RPL36: variants seen among roughly 807,000 people sequenced by gnomAD.
RPL36 encodes ribosomal protein L36, also known as large ribosomal subunit protein eL36.
For synonymous variants in RPL36, 74 were observed against 56.0 expected (o/e 1.32, Z -1.44); for missense variants, 131 against 144.9 (o/e 0.90, Z 0.49).
At position 5,691,546 on chromosome 19, in the gene RPL36, C is replaced by T; in HGVS notation, c.243C>T (p.Ile81=). 6.2e-7 allele frequency: 1 copy of T among 1,611,970 alleles called. No homozygotes were observed. The highest frequency in any genetic ancestry group is 8.5e-7 in the Non-Finnish European group (1 of 1,179,906). The change falls in exon 4 of 4, where the codon ATC becomes ATT. Residue 81 remains isoleucine, a synonymous_variant. Coordinates refer to ENST00000347512, the MANE Select transcript of RPL36 (RefSeq NM_033643.3). Reference sequence around the variant, plus strand: ...GTCCCTGGCAGGTGGGGACGCACATCCGCGCCAAGAGGAAGCGGGAGGAGC... The same window carrying T: ...GTCCCTGGCAGGTGGGGACGCACATTCGCGCCAAGAGGAAGCGGGAGGAGC... The part of the protein sequence containing the change: ...KFIKKRVGTH[I]RAKRKREELS...
rs1375993323 is a variant in RPL36, at chr19:5,690,304, A to G, written c.-26A>G. The G allele has an allele frequency of 2.9e-5, 18 of 614,808 alleles. No homozygotes were observed. Among genetic ancestry groups the G allele is most frequent in the Non-Finnish European group, 4.7e-5 (16 of 339,888 alleles). The allele number at this position is 614,808 out of a possible 1,614,324, so 38.1% of individuals were successfully genotyped here. A position where few individuals can be genotyped will look rare whatever the true frequency, so the allele number is the denominator to read the frequency against. On this transcript the variant is annotated 5_prime_UTR_variant, in exon 1 of 4. Transcript: ENST00000347512. ...TCCGCGCGGCGCCAGCCCTTCCGCCACGGCCGTCTCTGGAGAGCAGCAGGT... is the reference window on the plus strand; with the variant it reads ...TCCGCGCGGCGCCAGCCCTTCCGCCGCGGCCGTCTCTGGAGAGCAGCAGGT...
intron 3 of RPL36, 28 bp from the exon 4 acceptor site, chr19:5,691,504 G>C (rs201748329): frequency 2.1e-5 from 34 of 1,607,592 alleles, no homozygotes; most frequent in Non-Finnish European, 2.6e-5. Context: ...AGTCAGGGCC[G>C]GGCTGACGGC....
chr19:5,690,301 G>A lies in RPL36; in HGVS notation c.-29G>A. 1.6e-6 allele frequency: 1 copy of A among 613,294 alleles called. No individual in the cohort carries two copies. The allele number at this position is 613,294 out of a possible 1,614,324, so 38.0% of individuals were successfully genotyped here. A position where few individuals can be genotyped will look rare whatever the true frequency, so the allele number is the denominator to read the frequency against. Reference sequence around the variant, plus strand: ...AGTTCCGCGCGGCGCCAGCCCTTCCGCCACGGCCGTCTCTGGAGAGCAGCA... The same window carrying A: ...AGTTCCGCGCGGCGCCAGCCCTTCCACCACGGCCGTCTCTGGAGAGCAGCA... On this transcript the variant is annotated 5_prime_UTR_variant, in exon 1 of 4. Transcript: ENST00000347512.
At chr19:5,690,690 C>A in intron 2 of RPL36, 90 bp downstream of exon 2, 1 of 1,042,602 alleles carries the variant, frequency 9.6e-7, no homozygotes, top group Non-Finnish European at 1.4e-6. Context: ...TGAAAGAACG[C>A]GCGTTCGGGC....
Position 5,691,820 on chromosome 19 carries a change from TGAG to T in RPL36, c.*202_*204del, listed in dbSNP as rs2054826409. On this transcript the variant is annotated 3_prime_UTR_variant, in exon 4 of 4. Coordinates refer to ENST00000347512, the MANE Select transcript of RPL36 (RefSeq NM_033643.3). Reference sequence around the variant, plus strand: ...CGCCCACCCTTCCCGGGGCAGCAGGTGAGGAAGCCGCCGTACTGCAAATGACTT... The same window carrying T: ...CGCCCACCCTTCCCGGGGCAGCAGGTGAAGCCGCCGTACTGCAAATGACTT... 5.0e-6 allele frequency: 4 copies of T among 799,284 alleles called. No individual in the cohort carries two copies. Among genetic ancestry groups the T allele is most frequent in the Non-Finnish European group, 7.9e-6 (4 of 505,860 alleles). The allele number at this position is 799,284 out of a possible 1,614,324, so 49.5% of individuals were successfully genotyped here. A position where few individuals can be genotyped will look rare whatever the true frequency, so the allele number is the denominator to read the frequency against.
intron 2 of RPL36, 122 bp from the exon 3 acceptor site, chr19:5,691,197 G>C: frequency 1.4e-6 from 2 of 1,446,366 alleles, no homozygotes; most frequent in Non-Finnish European, 1.9e-6. Context: ...TTAATACCTT[G>C]GTTCTCACAG....
At chr19:5,690,469 A>T in intron 1 of RPL36, 37 bp from the exon 2 acceptor site, 1 of 1,467,012 alleles carries the variant, frequency 6.8e-7, no homozygotes, top group Non-Finnish European at 9.3e-7. Context: ...CTGAGCCGGT[A>T]CTCACCTCCG....
rs2054820700 is a variant in RPL36 at position 5,691,552 on chromosome 19, C to T, written c.249C>T (p.Ala83=). 6.2e-7 allele frequency: 1 copy of T among 1,611,810 alleles called. No homozygotes were observed. The highest frequency in any genetic ancestry group is 8.5e-7 in the Non-Finnish European group (1 of 1,179,902). The part of the protein sequence containing the change: ...IKKRVGTHIR[A]KRKREELSNV... Reference sequence around the variant, plus strand: ...GGCAGGTGGGGACGCACATCCGCGCCAAGAGGAAGCGGGAGGAGCTGAGCA... The same window carrying T: ...GGCAGGTGGGGACGCACATCCGCGCTAAGAGGAAGCGGGAGGAGCTGAGCA... The change falls in exon 4 of 4, where the codon GCC becomes GCT. Residue 83 remains alanine (A), a synonymous_variant. Coordinates refer to ENST00000347512, the MANE Select transcript of RPL36 (RefSeq NM_033643.3).
rs1315137552 is a variant in RPL36, at chr19:5,691,859, A to C, written c.*238A>C. 1.2e-6 allele frequency: 1 copy of C among 818,780 alleles called. No individual in the cohort carries two copies. Among genetic ancestry groups the C allele is most frequent in the Non-Finnish European group, 1.9e-6 (1 of 529,608 alleles). 50.7% of individuals were successfully genotyped at this position (818,780 alleles called of 1,614,324 possible). On this transcript the variant is annotated 3_prime_UTR_variant, in exon 4 of 4. Transcript: ENST00000347512. ...TACTGCAAATGACTTTAATCATTAA[A>C]TAGCTTCTATGCCACACTCTGATTA...
At chr19:5,691,101 A>G (rs1599437123) in intron 2 of RPL36, 2 of 644,316 alleles carry the variant, frequency 3.1e-6, no homozygotes, top group Non-Finnish European at 5.4e-6. Context: ...GGCAGCCCAG[A>G]CTCCAGGTGC....
chr19:5,690,497 T>C lies in RPL36; in HGVS notation c.-2-9T>C. On this transcript the variant is annotated splice_polypyrimidine_tract_variant and intron_variant, in intron 1 of 3. Coordinates refer to ENST00000347512, the MANE Select transcript of RPL36 (RefSeq NM_033643.3). ...CACCTCCGCCCCTTCTCCCCGTCGC[T>C]GTCCGCAGCCATGGCCCTACGCTAC... The C allele has an allele frequency of 6.5e-7, 1 of 1,540,598 alleles. No individual in the cohort carries two copies. The highest frequency in any genetic ancestry group is 8.8e-7 in the Non-Finnish European group (1 of 1,136,990).
chr19:5,691,716 C>T lies in RPL36; in HGVS notation c.*95C>T, dbSNP rs2054824386. On this transcript the variant is annotated 3_prime_UTR_variant, in exon 4 of 4. Transcript: ENST00000347512. Reference sequence around the variant, plus strand: ...GGGTGGGTGTGGGTGTGTCGGGGGCCCGCAGTCCCCTGTCTGGTGCCCGCT... The same window carrying T: ...GGGTGGGTGTGGGTGTGTCGGGGGCTCGCAGTCCCCTGTCTGGTGCCCGCT... 4.7e-6 allele frequency: 6 copies of T among 1,282,768 alleles called. No homozygotes were observed. The highest frequency in any genetic ancestry group is 6.6e-6 in the Non-Finnish European group (6 of 908,262). The allele number at this position is 1,282,768 out of a possible 1,614,324, so 79.5% of individuals were successfully genotyped here.
Position 5,691,165 on chromosome 19 carries a change from G to T in RPL36, c.94-154G>T, listed in dbSNP as rs2054812791. ...TTAGGGAGGATGGGAGCTGCTCCGG[G>T]CGCGGCGAAAAGCGCTAGGCGTTAA... On this transcript the variant is annotated intron_variant, in intron 2 of 3. Coordinates refer to ENST00000347512, the MANE Select transcript of RPL36 (RefSeq NM_033643.3). 3 of 1,046,144 alleles carry T rather than the reference G, an allele frequency of 2.9e-6. No individual in the cohort carries two copies. In the Admixed American group the frequency reaches 6.0e-5, roughly 21 times the overall value. The allele number at this position is 1,046,144 out of a possible 1,614,324, so 64.8% of individuals were successfully genotyped here.
In RPL36 at chr19:5,691,692, GGTGGGT is replaced by G. The variant is rs1323022694; in HGVS notation, c.*81_*86del. ...AGCCCTGGCTCTCCTGCTGTCCGTG[GGTGGGT>G]GTGGGTGTGTCGGGGGCCCGCAGTC... is the stretch of plus-strand genomic sequence containing the variant. On this transcript the variant is annotated 3_prime_UTR_variant, in exon 4 of 4. Transcript: ENST00000347512. 2.5e-5 allele frequency: 36 copies of G among 1,455,232 alleles called. No homozygotes were observed. Among genetic ancestry groups the G allele is most frequent in the Admixed American group, 2.2e-4 (11 of 50,972 alleles). The allele number at this position is 1,455,232 out of a possible 1,614,324, so 90.1% of individuals were successfully genotyped here. A position where few individuals can be genotyped will look rare whatever the true frequency, so the allele number is the denominator to read the frequency against.
chr19:5,691,485 T>G (rs770160609), intron 3 of RPL36, 32 bp downstream of exon 3: 12 of 1,600,576 alleles, frequency 7.5e-6, no homozygotes, highest in South Asian at 4.4e-5. Context: ...AGGGGCGGGG[T>G]GGGATGGGAG....
At position 5,691,740 on chromosome 19, in the gene RPL36, C is replaced by A. The variant is rs1051876943; in HGVS notation, c.*119C>A. 1.2e-5 allele frequency: 13 copies of A among 1,105,948 alleles called. No homozygotes were observed. The highest frequency in any genetic ancestry group is 1.5e-5 in the Non-Finnish European group (11 of 749,314). The allele number at this position is 1,105,948 out of a possible 1,614,324, so 68.5% of individuals were successfully genotyped here. Reference sequence around the variant, plus strand: ...CCCGCAGTCCCCTGTCTGGTGCCCGCTCTGAGCCACACCCTCTCCGGGTGC... The same window carrying A: ...CCCGCAGTCCCCTGTCTGGTGCCCGATCTGAGCCACACCCTCTCCGGGTGC... On this transcript the variant is annotated 3_prime_UTR_variant, in exon 4 of 4. Transcript: ENST00000347512.
rs2054825380 is a variant in RPL36 at position 5,691,772 on chromosome 19, G to GTT, written c.*152_*153insTT. 1 of 984,296 alleles carries GTT rather than the reference G, an allele frequency of 1.0e-6. No individual in the cohort carries two copies. Among genetic ancestry groups the GTT allele is most frequent in the Non-Finnish European group, 1.5e-6 (1 of 649,132 alleles). The allele number at this position is 984,296 out of a possible 1,614,324, so 61.0% of individuals were successfully genotyped here. ...CCACACCCTCTCCGGGTGCTGCCTG[G>GTT]TCGTGAATCAAAAGCCGTGGCCCGC... On this transcript the variant is annotated 3_prime_UTR_variant, in exon 4 of 4. Coordinates refer to ENST00000347512, the MANE Select transcript of RPL36 (RefSeq NM_033643.3).
chr19:5,690,355 C>T, intron 1 of RPL36, 28 bp downstream of exon 1: 3 of 690,582 alleles, frequency 4.3e-6, no homozygotes, highest in African/African-American at 1.8e-5. Flanking sequence ...CTGCCGGTAT[C>T]CGCCGCCATC....
intron 1 of RPL36, 74 bp downstream of exon 1, chr19:5,690,401 G>T: frequency 1.1e-6 from 1 of 885,924 alleles, no homozygotes; most frequent in Non-Finnish European, 1.8e-6. Flanking sequence ...TTGGAGGATG[G>T]TTGGTTGTGG....
Sources: allele counts gnomAD v4.1 joint callset, GRCh38; gene constraint gnomAD v4.1.1; transcripts MANE v1.5; gene names NCBI Gene and HGNC (gene_info 2026-07-23, HGNC 2026-07-21).